DENND1A: variants seen among roughly 807,000 people sequenced by gnomAD.
The protein encoded by DENND1A is DENN domain-containing protein 1A.
Under a neutral mutation model 113.7 loss-of-function variants are expected in DENND1A, and 51 were observed. The observed-to-expected ratio is 0.45, with a 90% CI of 0.36 to 0.57. The LOEUF (loss-of-function observed/expected upper bound fraction) is 0.57, where lower values mean the gene tolerates loss of function less well. DENND1A is among the 20% of genes least tolerant of loss of function. The probability of loss-of-function intolerance (pLI) is 0.00; values close to 1 mark genes in which losing one functional copy is unlikely to be tolerated. For synonymous variants in DENND1A, 565 were observed against 570.8 expected, an observed-to-expected ratio of 0.99 and a Z score of 0.14; for missense variants, 1,258 against 1,395.9, an observed-to-expected ratio of 0.90 and a Z score of 1.57.
At chr9:123,618,824 G>A (rs901225276) in intron 10 of DENND1A, among the ~76,000 whole-genome samples, 2 of 152,222 alleles carry the variant, frequency 1.3e-5, no homozygotes, top group Admixed American at 6.5e-5. Context: ...GGTGCCTTCC[G>A]GGGTGCCTCT....
At chr9:123,732,619 A>G (rs567994360) in intron 5 of DENND1A, among the ~76,000 whole-genome samples, 3 of 152,350 alleles carry the variant, frequency 2.0e-5, no homozygotes, top group South Asian at 2.1e-4. Flanking sequence ...ATATGACTAC[A>G]TATTTGTCAA....
At chr9:123,808,790 T>C (rs572138343) in intron 2 of DENND1A, among the ~76,000 whole-genome samples, 3 of 152,226 alleles carry the variant, frequency 2.0e-5, no homozygotes, top group African/African-American at 7.2e-5. Flanking sequence ...ACTCCATCCT[T>C]CTAGTCTCAG....
intron 10 of DENND1A, among the ~76,000 whole-genome samples, chr9:123,618,520 C>T (rs550979516): frequency 6.6e-6 from 1 of 152,246 alleles, no homozygotes; most frequent in South Asian, 2.1e-4. Flanking sequence ...GCAGGGGAGG[C>T]GGGCTGTTGC....
In DENND1A at chr9:123,457,912, G is replaced by C; in HGVS notation, c.994-15C>G. ...ATCGGCTCCTCCTGGGAAGTGCAGA[G>C]GGGAGAGGTGGGTCAGTGGCACGGA... On this transcript the variant is annotated splice_polypyrimidine_tract_variant and intron_variant, in intron 13 of 23. Coordinates refer to ENST00000394215, the MANE Select transcript of DENND1A (RefSeq NM_001352964.2). The C allele has an allele frequency of 6.3e-7, 1 of 1,594,512 alleles. No individual in the cohort carries two copies. The highest frequency in any genetic ancestry group is 8.6e-7 in the Non-Finnish European group (1 of 1,167,990).
intron 2 of DENND1A, among the ~76,000 whole-genome samples, chr9:123,807,205 AT>A (rs547571401): frequency 2.0e-5 from 3 of 151,962 alleles, no homozygotes; most frequent in Non-Finnish European, 2.9e-5. Context: ...ATTATTGGTG[AT>A]TTTTTTTGGC....
intron 2 of DENND1A, among the ~76,000 whole-genome samples, chr9:123,808,718 T>TA (rs1049088609): frequency 3.0e-4 from 46 of 152,184 alleles, no homozygotes; most frequent in East Asian, 9.6e-4. Context: ...ACAGACTTGA[T>TA]AAAAAAACTA....
chr9:123,670,207 G>A (rs2063698386), intron 7 of DENND1A, among the ~76,000 whole-genome samples: 1 of 152,128 alleles, frequency 6.6e-6, no homozygotes, highest in African/African-American at 2.4e-5. Context: ...TTCTTTAGGA[G>A]GGGAGATACC....
chr9:123,618,504 A>T (rs1442054038), intron 10 of DENND1A, among the ~76,000 whole-genome samples: 1 of 152,132 alleles, frequency 6.6e-6, no homozygotes, highest in Non-Finnish European at 1.5e-5. Context: ...GCCAGCAGAA[A>T]CTAGGGCAGG....
At chr9:123,521,852 C>A (rs1164242816) in intron 13 of DENND1A, among the ~76,000 whole-genome samples, 1 of 152,210 alleles carries the variant, frequency 6.6e-6, no homozygotes, top group African/African-American at 2.4e-5. Context: ...AGGGATGCTA[C>A]CATCCCCCGA....
intron 5 of DENND1A, among the ~76,000 whole-genome samples, chr9:123,723,235 A>G (rs1291125675): frequency 6.6e-6 from 1 of 152,218 alleles, no homozygotes; most frequent in African/African-American, 2.4e-5. Context: ...GAATGGCTGT[A>G]TTTACCCAAT....
At chr9:123,676,564 T>G (rs1162489085) in intron 6 of DENND1A, among the ~76,000 whole-genome samples, 156 bp downstream of exon 6, 1 of 152,174 alleles carries the variant, frequency 6.6e-6, no homozygotes, top group Non-Finnish European at 1.5e-5. Flanking sequence ...AAATTAAAAG[T>G]GATTTTCTTT....
At chr9:123,444,889 G>A (rs892905556) in intron 18 of DENND1A, among the ~76,000 whole-genome samples, 3 of 152,146 alleles carry the variant, frequency 2.0e-5, no homozygotes, top group Admixed American at 6.5e-5. Flanking sequence ...GCTTCTTCCC[G>A]AAGGGTCACA....
intron 13 of DENND1A, among the ~76,000 whole-genome samples, chr9:123,534,134 A>G (rs2055546765): frequency 6.6e-6 from 1 of 152,138 alleles, no homozygotes; most frequent in African/African-American, 2.4e-5. Context: ...GCATCTGCGA[A>G]CCTACCCTCC....
chr9:123,382,067 G>A lies in DENND1A; in HGVS notation c.2578C>T (p.Pro860Ser), dbSNP rs185875912. 839 of 1,511,242 alleles carry A rather than the reference G, an allele frequency of 5.6e-4. 8 individuals carry two copies. In the East Asian group the frequency reaches 0.016, roughly 29 times the overall value. 93.6% of individuals were successfully genotyped at this position (1,511,242 alleles called of 1,614,324 possible). The change falls in exon 24 of 24, where the codon CCG becomes TCG. Residue 860 changes from proline (P) to serine (S), a missense_variant. Physicochemically the swap from Pro to Ser is moderately conservative, Grantham distance 74. This residue lies in a region of DENND1A where 1,159 missense variants were observed against 1,231.7 expected (regional missense o/e 0.94). Transcript: ENST00000394215. The stretch of plus-strand genomic sequence containing the variant: ...ACATTCGGGGTGGCGGGGCGTGACG[G>A]GAGGGTGCTGCCTGACCAGGCTGTG... Reference protein sequence around the residue: ...LSTAWSGSTLPSRPATPNVAT... With the variant: ...LSTAWSGSTLSSRPATPNVAT...
chr9:123,630,737 G>A (rs2061440423), intron 9 of DENND1A, among the ~76,000 whole-genome samples: 1 of 152,078 alleles, frequency 6.6e-6, no homozygotes, highest in Admixed American at 6.6e-5. Context: ...TAAAATAAAT[G>A]CCACACCATC....
intron 8 of DENND1A, among the ~76,000 whole-genome samples, chr9:123,661,045 G>A (rs538087594): frequency 4.6e-5 from 7 of 152,214 alleles, no homozygotes; most frequent in Non-Finnish European, 7.3e-5. Context: ...ACAAGCATGC[G>A]ACTGAGGTTG....
Position 123,457,338 on chromosome 9 carries a change from T to G in DENND1A, c.1186+10A>C. ...CTGCAGCCCCGGAAGGAAAATGAGT[T>G]GCTTCTCACCAGCGTACTCGCCCAT... On this transcript the variant is annotated intron_variant, in intron 15 of 23. Transcript: ENST00000394215. 1 of 1,610,576 alleles carries G rather than the reference T, an allele frequency of 6.2e-7. No homozygotes were observed. Among genetic ancestry groups the G allele is most frequent in the South Asian group, 1.1e-5 (1 of 90,990 alleles).
At chr9:123,666,904 T>C (rs1589586681) in intron 8 of DENND1A, 122 bp downstream of exon 8, 1 of 1,004,328 alleles carries the variant, frequency 1.0e-6, no homozygotes, top group East Asian at 3.0e-5. Context: ...TTATAATGTG[T>C]TTTTTAAAAA....
intron 1 of DENND1A, among the ~76,000 whole-genome samples, chr9:123,901,535 TAACCCATATC>T (rs924459751): frequency 2.6e-5 from 4 of 152,146 alleles, no homozygotes; most frequent in African/African-American, 9.7e-5. Flanking sequence ...ACACTTAATA[TAACCCATATC>T]AAAGCAATCA....
Sources: allele counts gnomAD v4.1 joint callset (sites outside exome capture counted in the v4.1 genomes callset), GRCh38; gene constraint gnomAD v4.1.1; regional missense constraint gnomAD v4.1.1; transcripts MANE v1.5; gene names NCBI Gene and HGNC (gene_info 2026-07-23, HGNC 2026-07-21).